The following GCNT2 variants were observed in gnomAD, a reference collection of about 807,000 sequenced individuals.
GCNT2 encodes N-acetyllactosaminide beta-1,6-N-acetylglucosaminyl-transferase.
In GCNT2, 34 loss-of-function variants were observed where a neutral mutation model predicts 34.2. The observed-to-expected ratio is 1.00, with a 90% CI of 0.76 to 1.32. The LOEUF is 1.32. Among genes scored for constraint, GCNT2 ranks in the 40% most tolerant of loss-of-function variants. The pLI, the probability that GCNT2 is intolerant of heterozygous loss-of-function variation, is 0.00. For missense variants in GCNT2, 584 were observed against 489.4 expected, an observed-to-expected ratio of 1.19 and a Z score of -1.82; for synonymous variants, 212 against 188.0, an observed-to-expected ratio of 1.13 and a Z score of -1.04.
chr6:10,583,308 G>A (rs781444253), intron 3 of GCNT2, among the ~76,000 whole-genome samples: 7 of 152,124 alleles, frequency 4.6e-5, no homozygotes, highest in African/African-American at 9.7e-5. Context: ...GCAGGGAAAT[G>A]GCTGCATTGT....
At chr6:10,591,880 A>G (rs779049535) in intron 3 of GCNT2, among the ~76,000 whole-genome samples, 9 of 152,222 alleles carry the variant, frequency 5.9e-5, no homozygotes, top group Non-Finnish European at 1.3e-4. Flanking sequence ...TAGAAGGTAT[A>G]TGTTCTCTGC....
intron 3 of GCNT2, chr6:10,557,041 A>T: frequency 6.2e-7 from 1 of 1,612,478 alleles, no homozygotes; most frequent in South Asian, 1.1e-5. Flanking sequence ...AGTATCTGAA[A>T]GGATTTAAAG....
intron 1 of GCNT2, among the ~76,000 whole-genome samples, chr6:10,522,564 G>C (rs1454690270): frequency 2.0e-5 from 3 of 152,268 alleles, no homozygotes; most frequent in East Asian, 3.9e-4. Flanking sequence ...ACCCTACAGC[G>C]TAAAGGATCT....
chr6:10,562,090 A>C (rs1763011576), intron 3 of GCNT2, among the ~76,000 whole-genome samples: 1 of 152,180 alleles, frequency 6.6e-6, no homozygotes, highest in Admixed American at 6.5e-5. Context: ...GGGAGCTCCC[A>C]ATCAAGCTGG....
At chr6:10,572,366 A>G (rs1763589591) in intron 3 of GCNT2, among the ~76,000 whole-genome samples, 1 of 152,174 alleles carries the variant, frequency 6.6e-6, no homozygotes, top group South Asian at 2.1e-4. Flanking sequence ...GACCTATTCC[A>G]TTTATAACGC....
At chr6:10,530,775 C>T (rs1761449338) in intron 3 of GCNT2, among the ~76,000 whole-genome samples, 2 of 152,130 alleles carry the variant, frequency 1.3e-5, no homozygotes, top group African/African-American at 2.4e-5. Context: ...GATTTCTAGG[C>T]TGAGCGCAGT....
At chr6:10,547,651 A>T (rs1470871255) in intron 3 of GCNT2, among the ~76,000 whole-genome samples, 1 of 152,190 alleles carries the variant, frequency 6.6e-6, no homozygotes, top group African/African-American at 2.4e-5. Context: ...TACTAAGTAG[A>T]TATCCTGTTT....
chr6:10,571,119 G>C (rs1028764297), intron 3 of GCNT2, among the ~76,000 whole-genome samples: 3 of 152,200 alleles, frequency 2.0e-5, no homozygotes, highest in African/African-American at 7.2e-5. Context: ...GAGAGATCAA[G>C]TGGCTGGCTG....
At chr6:10,538,437 A>AATATATATATATATAT (rs1554127248) in intron 3 of GCNT2, among the ~76,000 whole-genome samples, 93 of 73,306 alleles carry the variant, frequency 1.3e-3, no homozygotes, top group African/African-American at 0.011. Context: ...AAAAAAAAAA[A>AATATATATATATATAT]ATATATATAT....
chr6:10,529,178 T>A lies in GCNT2; in HGVS notation c.267T>A (p.Ser89=). 1 of 1,614,178 alleles carries A rather than the reference T, an allele frequency of 6.2e-7. No individual in the cohort carries two copies. The highest frequency in any genetic ancestry group is 1.1e-5 in the South Asian group (1 of 91,086). The change falls in exon 3 of 5, where the codon TCT becomes TCA. Residue 89 remains serine, a synonymous_variant. Transcript: ENST00000495262. ...VRSHYVTETL[S]EEEAGFPLAY... ...GCCACTATGTAACAGAAACACTCTC[T>A]GAAGAAGAGGCTGGGTTCCCTTTAG... is the stretch of plus-strand genomic sequence containing the variant.
At chr6:10,598,641 C>T (rs188330534) in intron 3 of GCNT2, among the ~76,000 whole-genome samples, 111 of 152,278 alleles carry the variant, frequency 7.3e-4, no homozygotes, top group Non-Finnish European at 1.4e-3. Flanking sequence ...AATATCTTCA[C>T]CTCTCTGATT....
chr6:10,539,804 G>A (rs1255208106), intron 3 of GCNT2, among the ~76,000 whole-genome samples: 1 of 152,236 alleles, frequency 6.6e-6, no homozygotes, highest in African/African-American at 2.4e-5. Context: ...AGGTATGTGA[G>A]GCCGGGCATG....
chr6:10,569,744 AC>A (rs1561807189), intron 3 of GCNT2, among the ~76,000 whole-genome samples: 1 of 152,030 alleles, frequency 6.6e-6, no homozygotes, highest in Non-Finnish European at 1.5e-5. Flanking sequence ...CTTCTAACTA[AC>A]CATTTCTCAG....
intron 3 of GCNT2, among the ~76,000 whole-genome samples, chr6:10,598,908 A>G (rs1005138350): frequency 6.6e-6 from 1 of 152,212 alleles, no homozygotes; most frequent in Non-Finnish European, 1.5e-5. Flanking sequence ...CCACTGTGCA[A>G]ATGAAATGTA....
chr6:10,586,756 A>G, intron 3 of GCNT2: 1 of 1,614,200 alleles, frequency 6.2e-7, no homozygotes, highest in Non-Finnish European at 8.5e-7. Flanking sequence ...TCACCTCCAC[A>G]TCAGCTGACC....
chr6:10,553,826 CA>C (rs1316718979), intron 3 of GCNT2, among the ~76,000 whole-genome samples: 11 of 152,178 alleles, frequency 7.2e-5, no homozygotes, highest in Non-Finnish European at 5.9e-5. Flanking sequence ...CCCAGGAGGT[CA>C]AGGCCGCAGT....
At chr6:10,556,772 A>G (rs546942401) in intron 3 of GCNT2, 5 of 1,614,120 alleles carry the variant, frequency 3.1e-6, no homozygotes, top group East Asian at 2.2e-5. Context: ...GGCTATTTAC[A>G]TGCCCCAAAA....
chr6:10,616,000 G>A (rs1033680907), intron 3 of GCNT2, among the ~76,000 whole-genome samples: 4 of 152,192 alleles, frequency 2.6e-5, no homozygotes, highest in Admixed American at 2.0e-4. Flanking sequence ...GAATTGGTGG[G>A]TTCTTGGTCT....
At chr6:10,605,722 G>A (rs1405371991) in intron 3 of GCNT2, among the ~76,000 whole-genome samples, 2 of 151,992 alleles carry the variant, frequency 1.3e-5, no homozygotes, top group African/African-American at 4.8e-5. Flanking sequence ...TGTTGACTTG[G>A]CCCTCATTTA....
Sources: gnomAD v4.1 joint callset for allele counts (sites outside exome capture counted in the v4.1 genomes callset) on GRCh38, gnomAD v4.1.1 for gene constraint, MANE v1.5 for transcripts, NCBI Gene and HGNC (gene_info 2026-07-23, HGNC 2026-07-21) for gene names.